Variants in BCAS3 observed in about 807,000 individuals in gnomAD.
The protein encoded by BCAS3 is BCAS4/BCAS3 fusion.
A neutral mutation model predicts 116.1 loss-of-function variants in BCAS3; 53 were observed. The observed-to-expected ratio is 0.46, with a 90% CI of 0.37 to 0.57. The LOEUF (loss-of-function observed/expected upper bound fraction) is 0.57, where lower values mean the gene tolerates loss of function less well. Among genes scored for constraint, BCAS3 ranks in the 20% least tolerant of loss-of-function variants. The pLI, the probability that BCAS3 is intolerant of heterozygous loss-of-function variation, is 0.00. For synonymous variants in BCAS3, 391 were observed against 408.2 expected (o/e 0.96, Z 0.51); for missense variants, 917 against 1,165.4 (o/e 0.79, Z 3.10).
chr17:61,253,356 AATAT>A (rs145698396), intron 22 of BCAS3, among the ~76,000 whole-genome samples: 10 of 149,166 alleles, frequency 6.7e-5, no homozygotes, highest in Non-Finnish European at 1.2e-4. Flanking sequence ...AGTTGGAGAG[AATAT>A]ATATATATAT....
Position 61,219,412 on chromosome 17 carries a change from G to T in BCAS3, c.2425+134848G>T, listed in dbSNP as rs965308550. 2.6e-5 allele frequency among the ~76,000 whole-genome samples: 4 copies of T among 152,174 alleles called. No individual in the cohort carries two copies. The highest frequency in any genetic ancestry group is 5.9e-5 in the Non-Finnish European group (4 of 68,038). On this transcript the variant is annotated intron_variant, in intron 22 of 23. Coordinates refer to ENST00000407086, the MANE Select transcript of BCAS3 (RefSeq NM_017679.5). The surrounding 1 kb of genome is among the most constrained non-coding windows in gnomAD (Gnocchi z 5.2). ...TTAACATGAGTCTTCCTTTCTCACAGGTGGCCCATTGACTTGGTCTCTGTG... is the reference window on the plus strand; with the variant it reads ...TTAACATGAGTCTTCCTTTCTCACATGTGGCCCATTGACTTGGTCTCTGTG...
At chr17:61,274,783 A>G (rs1568728786) in intron 22 of BCAS3, among the ~76,000 whole-genome samples, 1 of 152,182 alleles carries the variant, frequency 6.6e-6, no homozygotes, top group Non-Finnish European at 1.5e-5. Context: ...AAGCATCTCA[A>G]TTGGAAGGGA....
chr17:61,352,252 T>G lies in BCAS3; in HGVS notation c.2426-16075T>G, dbSNP rs540930411. 6.6e-6 allele frequency among the ~76,000 whole-genome samples: 1 copy of G among 152,358 alleles called. No individual in the cohort carries two copies. The highest frequency in any genetic ancestry group is 1.9e-4 in the East Asian group (1 of 5,178). ...GGAGCCCCTTGGTGCTTTGGCTTTT[T>G]TCTTTTTTCCCTACTCATGGATGAA... On this transcript the variant is annotated intron_variant, in intron 22 of 23. Transcript: ENST00000407086. The surrounding 1 kb of genome is among the most constrained non-coding windows in gnomAD (Gnocchi z 4.7).
rs2082275239 is a variant in BCAS3 at position 61,224,509 on chromosome 17, T to C, written c.2425+139945T>C. On this transcript the variant is annotated intron_variant, in intron 22 of 23. Coordinates refer to ENST00000407086, the MANE Select transcript of BCAS3 (RefSeq NM_017679.5). This position sits in a 1 kb window ranked among gnomAD's most constrained non-coding sequence, Gnocchi z 5.7. ...GTGGTTTGGTTTGCCCATCAGACAG[T>C]GTGGCAAGGACAGCAAAAGGAGATC... Among the ~76,000 whole-genome samples the C allele has an allele frequency of 1.3e-5, 2 of 152,172 alleles. No individual in the cohort carries two copies. Among genetic ancestry groups the C allele is most frequent in the Admixed American group, 6.5e-5 (1 of 15,276 alleles).
At chr17:60,776,992 GCAA>G in intron 6 of BCAS3, among the ~76,000 whole-genome samples, 1 of 141,980 alleles carries the variant, frequency 7.0e-6, no homozygotes, top group East Asian at 2.0e-4. Flanking sequence ...TCCACGCTGG[GCAA>G]CAAGAGTGAG....
chr17:61,146,722 T>C (rs2077236779), intron 22 of BCAS3, among the ~76,000 whole-genome samples: 1 of 152,130 alleles, frequency 6.6e-6, no homozygotes, highest in South Asian at 2.1e-4. Flanking sequence ...AAAGATGAGA[T>C]TGTAAGTGAT....
intron 6 of BCAS3, among the ~76,000 whole-genome samples, chr17:60,768,595 C>G (rs1393844500): frequency 5.3e-5 from 8 of 152,112 alleles, no homozygotes; most frequent in Non-Finnish European, 8.8e-5. Context: ...TAGTAAACTC[C>G]CCTTTTTTAT....
At chr17:61,120,239 A>G (rs1313907357) in intron 22 of BCAS3, among the ~76,000 whole-genome samples, 1 of 152,164 alleles carries the variant, frequency 6.6e-6, no homozygotes, top group Non-Finnish European at 1.5e-5. Flanking sequence ...TTTCAAACTT[A>G]CAGAAAATTT....
At chr17:61,191,563 C>G (rs2080117232) in intron 22 of BCAS3, among the ~76,000 whole-genome samples, 1 of 151,556 alleles carries the variant, frequency 6.6e-6, no homozygotes, top group Non-Finnish European at 1.5e-5. Context: ...ATCACGAGGT[C>G]AGGAGATTGA....
intron 22 of BCAS3, among the ~76,000 whole-genome samples, chr17:61,289,860 A>G (rs1261571163): frequency 2.0e-5 from 3 of 152,238 alleles, no homozygotes; most frequent in Non-Finnish European, 2.9e-5. Context: ...ATCTTAAGCC[A>G]TAAAAGCGAA....
At chr17:61,296,466 C>G (rs2052917903) in intron 22 of BCAS3, among the ~76,000 whole-genome samples, 1 of 152,108 alleles carries the variant, frequency 6.6e-6, no homozygotes, top group African/African-American at 2.4e-5. Context: ...AATTCTGCCT[C>G]TTTTTGAAAA....
At chr17:60,880,917 T>A (rs1398651714) in intron 9 of BCAS3, among the ~76,000 whole-genome samples, 7 of 152,156 alleles carry the variant, frequency 4.6e-5, no homozygotes, top group Admixed American at 1.3e-4. Context: ...CAAAAAATGT[T>A]CCCTCATTCT....
At position 61,140,027 on chromosome 17, in the gene BCAS3, G is replaced by A. The variant is rs2076835651; in HGVS notation, c.2425+55463G>A. Among the ~76,000 whole-genome samples the A allele has an allele frequency of 6.6e-6, 1 of 152,170 alleles. No individual in the cohort carries two copies. The highest frequency in any genetic ancestry group is 1.5e-5 in the Non-Finnish European group (1 of 68,028). On this transcript the variant is annotated intron_variant, in intron 22 of 23. Transcript: ENST00000407086. The surrounding 1 kb of genome is among the most constrained non-coding windows in gnomAD (Gnocchi z 4.2). ...GAGGTGGATAGATCACTTGAGGTCA[G>A]GAGTTCGAGGTCAGACTGGCCAATA...
At chr17:60,844,954 G>A (rs191591633) in intron 7 of BCAS3, among the ~76,000 whole-genome samples, 36 of 152,330 alleles carry the variant, frequency 2.4e-4, no homozygotes, top group Admixed American at 2.3e-3. Flanking sequence ...ACAAGGCTGG[G>A]CACGGTGGCT....
At chr17:60,882,378 C>T (rs1481590796) in intron 9 of BCAS3, among the ~76,000 whole-genome samples, 1 of 146,254 alleles carries the variant, frequency 6.8e-6, no homozygotes, top group Non-Finnish European at 1.5e-5. Flanking sequence ...AAATTTTCTC[C>T]CATTTTGTAG....
Position 60,924,028 on chromosome 17 carries a change from G to C in BCAS3, c.994-379G>C, listed in dbSNP as rs117495802. ...GGCAAAAAATTGTGATTTCCCAGCA[G>C]ATCGCATAACACAGTAAGACCTGTA... On this transcript the variant is annotated intron_variant, in intron 12 of 23. Coordinates refer to ENST00000407086, the MANE Select transcript of BCAS3 (RefSeq NM_017679.5). Among the ~76,000 whole-genome samples, 174 of 152,266 alleles carry C rather than the reference G, an allele frequency of 1.1e-3. 3 individuals carry two copies. The East Asian group carries it at 0.021, about 18-fold the overall frequency.
At chr17:60,816,584 T>G (rs763222663) in intron 7 of BCAS3, among the ~76,000 whole-genome samples, 4 of 152,186 alleles carry the variant, frequency 2.6e-5, no homozygotes, top group Non-Finnish European at 5.9e-5. Flanking sequence ...GCTTTTCATT[T>G]TTATAAATTC....
At chr17:61,044,465 A>AAAATATATAT in intron 19 of BCAS3, among the ~76,000 whole-genome samples, 1 of 120,112 alleles carries the variant, frequency 8.3e-6, no homozygotes, top group African/African-American at 5.0e-5. Flanking sequence ...AAAAAAAAAA[A>AAAATATATAT]ATATATATAT....
rs575550680 is a variant in BCAS3, at chr17:60,826,808, A to G, written c.476+18732A>G. ...GGACATAAAGAAAGATCACCAGAAG[A>G]TAGTAGTCTATAATGTATATCTGAA... On this transcript the variant is annotated intron_variant, in intron 7 of 23. Transcript: ENST00000407086. 5.9e-5 allele frequency among the ~76,000 whole-genome samples: 9 copies of G among 152,336 alleles called. No homozygotes were observed. In the South Asian group the frequency reaches 1.9e-3, roughly 32 times the overall value.
Sources: allele counts gnomAD v4.1 joint callset (sites outside exome capture counted in the v4.1 genomes callset), GRCh38; gene constraint gnomAD v4.1.1; non-coding constraint Gnocchi (gnomAD v3.1); transcripts MANE v1.5; gene names NCBI Gene and HGNC (gene_info 2026-07-23, HGNC 2026-07-21).